The following TRPC3 variants were observed in gnomAD, a reference collection of about 807,000 sequenced individuals.
TRPC3 encodes short transient receptor potential channel 3.
In TRPC3, 54 loss-of-function variants were observed where a neutral mutation model predicts 90.9. That is an observed-to-expected ratio of 0.59 (90% CI 0.48 to 0.75). The LOEUF (loss-of-function observed/expected upper bound fraction) is 0.75, where lower values mean the gene tolerates loss of function less well. Ranked by LOEUF, TRPC3 falls within the 30% of genes least tolerant of loss-of-function variation. The pLI, the probability that TRPC3 is intolerant of heterozygous loss-of-function variation, is 0.00. For synonymous variants in TRPC3, 424 were observed against 450.9 expected, an observed-to-expected ratio of 0.94 and a Z score of 0.75; for missense variants, 918 against 1,194.5, an observed-to-expected ratio of 0.77 and a Z score of 3.41.
rs1212603078 is a variant in TRPC3, at chr4:121,878,499, T to C, written c.*1237A>G. ...ACTCTATGAGAGATTTAAACCTAGC[T>C]GGTTAAAAAATGCTTTGAGTGTTTT... is the stretch of plus-strand genomic sequence containing the variant. On this transcript the variant is annotated 3_prime_UTR_variant, in exon 12 of 12. Coordinates refer to ENST00000379645, the MANE Select transcript of TRPC3 (RefSeq NM_001130698.2). 5.3e-5 allele frequency among the ~76,000 whole-genome samples: 8 copies of C among 152,194 alleles called. No homozygotes were observed. Among genetic ancestry groups the C allele is most frequent in the African/African-American group, 1.7e-4 (7 of 41,446 alleles).
At chr4:121,921,385 A>G (rs377342295) in intron 3 of TRPC3, among the ~76,000 whole-genome samples, 35 of 150,046 alleles carry the variant, frequency 2.3e-4, no homozygotes, top group Middle Eastern at 3.4e-3. Context: ...AGCCGGGCGT[A>G]GTGGCGGGCG....
At chr4:121,933,441 A>G (rs892821563) in intron 1 of TRPC3, 2 of 160,080 alleles carry the variant, frequency 1.2e-5, no homozygotes, top group African/African-American at 4.8e-5. Context: ...AGGCTTGAAG[A>G]CTAAGAGAAG....
At chr4:121,883,193 G>A (rs1309300337) in intron 10 of TRPC3, among the ~76,000 whole-genome samples, 1 of 151,870 alleles carries the variant, frequency 6.6e-6, no homozygotes, top group African/African-American at 2.4e-5. Flanking sequence ...TTAAAAGAAC[G>A]TATTATATAA....
Position 121,914,841 on chromosome 4 carries a change from A to G in TRPC3, c.1280T>C (p.Leu427Pro). Residue 427 changes from leucine (L) to proline (P), a missense_variant, in exon 4 of 12, where the codon CTG becomes CCG. Transcript: ENST00000379645. ...GAATGGAAGGCCCAGGGCCACGACC[A>G]GCACAACGAGACACTTGATAGCTAT... The part of the protein sequence containing the change: ...QTIAIKCLVV[L>P]VVALGLPFLA... The G allele has an allele frequency of 2.5e-6, 4 of 1,613,898 alleles. No homozygotes were observed. Among genetic ancestry groups the G allele is most frequent in the Non-Finnish European group, 3.4e-6 (4 of 1,179,814 alleles).
chr4:121,920,872 C>A (rs1271919086), intron 3 of TRPC3, among the ~76,000 whole-genome samples: 2 of 151,952 alleles, frequency 1.3e-5, no homozygotes, highest in African/African-American at 4.8e-5. Flanking sequence ...GAGATACAAT[C>A]GAAAAAACAT....
At chr4:121,937,812 T>G (rs186765154) in intron 1 of TRPC3, among the ~76,000 whole-genome samples, 14 of 152,308 alleles carry the variant, frequency 9.2e-5, no homozygotes, top group Non-Finnish European at 1.8e-4. Context: ...ATTACTATCT[T>G]ATTTCACATT....
At chr4:121,905,457 A>C (rs1728848705) in intron 7 of TRPC3, among the ~76,000 whole-genome samples, 1 of 152,150 alleles carries the variant, frequency 6.6e-6, no homozygotes, top group Non-Finnish European at 1.5e-5. Context: ...TTCTTCCACC[A>C]CAACAATTAG....
chr4:121,902,735 C>T (rs774999298), intron 9 of TRPC3, 117 bp downstream of exon 9: 25 of 748,628 alleles, frequency 3.3e-5, no homozygotes, highest in Non-Finnish European at 5.1e-5. Flanking sequence ...GTGGACTAGA[C>T]AGTTACTTTT....
chr4:121,932,945 G>C lies in TRPC3; in HGVS notation c.313C>G (p.Arg105Gly), dbSNP rs202070483. Reference sequence around the variant, plus strand: ...TCCTCGGCGGTGAGGCTGGTGCCGCGGTCATTGAACATGAAGGCCGGGCCC... The same window carrying C: ...TCCTCGGCGGTGAGGCTGGTGCCGCCGTCATTGAACATGAAGGCCGGGCCC... ...VRGPAFMFND[R>G]GTSLTAEEER... The change falls in exon 2 of 12, where the codon CGC (arginine) becomes GGC (glycine). Residue 105 changes from arginine (R) to glycine (G), a missense_variant. By Grantham distance (125) the Arg-to-Gly change is moderately radical (BLOSUM62 -2). This residue lies in a region of TRPC3 where 609 missense variants were observed against 725.9 expected (regional missense o/e 0.84). Transcript: ENST00000379645. This position sits in a 1 kb window ranked among gnomAD's most constrained non-coding sequence, Gnocchi z 7.7. 1.2e-6 allele frequency: 2 copies of C among 1,613,832 alleles called. No individual in the cohort carries two copies. Among genetic ancestry groups the C allele is most frequent in the East Asian group, 4.5e-5 (2 of 44,886 alleles).
At position 121,951,315 on chromosome 4, in the gene TRPC3, CCTCCAAATCA is replaced by C; in HGVS notation, c.215+141_215+150del. On this transcript the variant is annotated intron_variant, in intron 1 of 11. Coordinates refer to ENST00000379645, the MANE Select transcript of TRPC3 (RefSeq NM_001130698.2). The surrounding 1 kb of genome is among the most constrained non-coding windows in gnomAD (Gnocchi z 4.4). Reference sequence around the variant, plus strand: ...GCGAGCCTCCGGCCGAGGTCTGTCCCCTCCAAATCACTCCAAATCGAACTGCCTGGCCGTA... The same window carrying C: ...GCGAGCCTCCGGCCGAGGTCTGTCCCCTCCAAATCGAACTGCCTGGCCGTA... 2.1e-6 allele frequency: 1 copy of C among 467,866 alleles called. No homozygotes were observed. Among genetic ancestry groups the C allele is most frequent in the Non-Finnish European group, 3.0e-6 (1 of 330,046 alleles). 29.0% of individuals were successfully genotyped at this position (467,866 alleles called of 1,614,324 possible).
At chr4:121,939,142 G>A (rs1293579364) in intron 1 of TRPC3, among the ~76,000 whole-genome samples, 1 of 152,128 alleles carries the variant, frequency 6.6e-6, no homozygotes. Context: ...GGTTGACTCA[G>A]GACATCTCTG....
At chr4:121,882,905 TG>T (rs1235762220) in intron 10 of TRPC3, among the ~76,000 whole-genome samples, 1 of 152,162 alleles carries the variant, frequency 6.6e-6, no homozygotes, top group Non-Finnish European at 1.5e-5. Flanking sequence ...GTTTTCATTT[TG>T]GTGTATGCCC....
At position 121,907,479 on chromosome 4, in the gene TRPC3, C is replaced by T. The variant is rs371940806; in HGVS notation, c.1881G>A (p.Ala627=). 3.4e-5 allele frequency: 55 copies of T among 1,613,196 alleles called. No homozygotes were observed. The highest frequency in any genetic ancestry group is 3.2e-4 in the Admixed American group (19 of 59,918). The change falls in exon 7 of 12, where the codon GCG becomes GCA. Residue 627 remains alanine, a synonymous_variant. Transcript: ENST00000379645. ...IAVVLSFSRI[A]YILPANESFG... ...AGCTCTCATTTGCAGGGAGGATGTA[C>T]GCAATCCGAGAGAAGCTGAGCACAA... is the stretch of plus-strand genomic sequence containing the variant.
Position 121,932,029 on chromosome 4 carries a change from G to A in TRPC3, c.987+242C>T, listed in dbSNP as rs1729948767. ...TTTAATGCTTACCCAACACAGAGCGGCACCATAATTATAGCTCTCTGATCC... is the reference window on the plus strand; with the variant it reads ...TTTAATGCTTACCCAACACAGAGCGACACCATAATTATAGCTCTCTGATCC... On this transcript the variant is annotated intron_variant, in intron 2 of 11. Transcript: ENST00000379645. The surrounding 1 kb of genome is among the most constrained non-coding windows in gnomAD (Gnocchi z 7.7). Among the ~76,000 whole-genome samples, 1 of 152,180 alleles carries A rather than the reference G, an allele frequency of 6.6e-6. No homozygotes were observed. The highest frequency in any genetic ancestry group is 2.4e-5 in the African/African-American group (1 of 41,446).
At chr4:121,911,525 G>T (rs1729091454) in intron 5 of TRPC3, among the ~76,000 whole-genome samples, 1 of 152,164 alleles carries the variant, frequency 6.6e-6, no homozygotes, top group Admixed American at 6.5e-5. Context: ...GAAAGTATTT[G>T]TCATCAGTTG....
chr4:121,904,195 CAGGCTCTGTGTGGATATA>C, intron 8 of TRPC3, 109 bp downstream of exon 8: 1 of 756,320 alleles, frequency 1.3e-6, no homozygotes, highest in Non-Finnish European at 2.0e-6. Context: ...GGGAAAGGCT[CAGGCTCTGTGTGGATATA>C]AGCCTCTTTG....
In TRPC3 at chr4:121,892,512, C is replaced by T. The variant is rs115770452; in HGVS notation, c.2547+7100G>A. 7.6e-3 allele frequency among the ~76,000 whole-genome samples: 1,155 copies of T among 152,140 alleles called. 9 individuals carry two copies. The highest frequency in any genetic ancestry group is 0.025 in the African/African-American group (1,045 of 41,504). ...GAAAGCCATTCATGATGCAGTAATA[C>T]GATGGAAAAAGCCTGGGTCCCTGAC... On this transcript the variant is annotated intron_variant, in intron 10 of 11. Transcript: ENST00000379645.
chr4:121,925,918 A>T (rs1220882115), intron 2 of TRPC3, among the ~76,000 whole-genome samples: 2 of 152,236 alleles, frequency 1.3e-5, no homozygotes, highest in African/African-American at 2.4e-5. Context: ...TACAAACAAT[A>T]GTTCTTGTAA....
At chr4:121,947,695 T>C (rs1935316945) in intron 1 of TRPC3, among the ~76,000 whole-genome samples, 1 of 152,188 alleles carries the variant, frequency 6.6e-6, no homozygotes, top group African/African-American at 2.4e-5. Flanking sequence ...TTTAAGTGAA[T>C]GAGTATAAAC....
Sources: gnomAD v4.1 joint callset for allele counts (sites outside exome capture counted in the v4.1 genomes callset) on GRCh38, gnomAD v4.1.1 for gene constraint, gnomAD v4.1.1 regional missense constraint, Gnocchi (gnomAD v3.1) non-coding constraint, MANE v1.5 for transcripts, NCBI Gene and HGNC (gene_info 2026-07-23, HGNC 2026-07-21) for gene names.